CDKL4: variants seen among roughly 807,000 people sequenced by gnomAD.
CDKL4 encodes cyclin dependent kinase like 4.
In CDKL4, 44 loss-of-function variants were observed where a neutral mutation model predicts 42.0. The observed-to-expected ratio is 1.05, with a 90% CI of 0.82 to 1.35. The LOEUF (loss-of-function observed/expected upper bound fraction) is 1.35. CDKL4 is among the 40% of genes most tolerant of loss of function. The pLI is 0.00. For missense variants in CDKL4, 393 were observed against 369.9 expected (o/e 1.06, Z -0.51); for synonymous variants, 120 against 121.6 (o/e 0.99, Z 0.09).
At chr2:39,186,818 C>A (rs979360674) in intron 7 of CDKL4, among the ~76,000 whole-genome samples, 1 of 151,078 alleles carries the variant, frequency 6.6e-6, no homozygotes, top group African/African-American at 2.4e-5. Context: ...AGGGAAAATT[C>A]TCCTAAGGCT....
At chr2:39,224,357 C>G (rs1678560757) in intron 3 of CDKL4, among the ~76,000 whole-genome samples, 1 of 151,970 alleles carries the variant, frequency 6.6e-6, no homozygotes, top group Non-Finnish European at 1.5e-5. Flanking sequence ...TGAATATTTC[C>G]ATTTAGAAAC....
chr2:39,187,009 C>G (rs1306820522), intron 7 of CDKL4, among the ~76,000 whole-genome samples: 1 of 151,950 alleles, frequency 6.6e-6, no homozygotes, highest in Admixed American at 6.6e-5. Context: ...CTCTGTGTCC[C>G]CACCCAAATC....
chr2:39,210,529 T>C (rs1028894394), intron 4 of CDKL4, among the ~76,000 whole-genome samples: 1 of 152,168 alleles, frequency 6.6e-6, no homozygotes, highest in Non-Finnish European at 1.5e-5. Context: ...TCAATAAATA[T>C]TTATTGATCA....
chr2:39,227,523 T>C (rs1390343750), intron 2 of CDKL4, among the ~76,000 whole-genome samples: 1 of 151,520 alleles, frequency 6.6e-6, no homozygotes, highest in Non-Finnish European at 1.5e-5. Context: ...AACCTAGGAG[T>C]TCGAGATCAG....
chr2:39,242,173 G>A (rs576227321), intron 1 of CDKL4, among the ~76,000 whole-genome samples: 2 of 152,054 alleles, frequency 1.3e-5, no homozygotes, highest in East Asian at 3.9e-4. Flanking sequence ...AGCCTCTTGA[G>A]TAGCTGAGAC....
chr2:39,197,938 C>A (rs533239806), intron 5 of CDKL4, among the ~76,000 whole-genome samples: 3 of 150,676 alleles, frequency 2.0e-5, no homozygotes, highest in East Asian at 1.9e-4. Flanking sequence ...ATGAAAAAAA[C>A]CCAGGGTATT....
Position 39,204,519 on chromosome 2 carries a change from C to T in CDKL4, c.454+8G>A. On this transcript the variant is annotated splice_region_variant and intron_variant, in intron 5 of 9. Coordinates refer to ENST00000451199, the Ensembl canonical transcript of CDKL4. ...AACTGGGTATTAGTAAAAAAAATTG[C>T]TACTTACTCAGAATTTGTGCAAACC... 1 of 1,558,170 alleles carries T rather than the reference C, an allele frequency of 6.4e-7. No homozygotes were observed. Among genetic ancestry groups the T allele is most frequent in the Non-Finnish European group, 8.8e-7 (1 of 1,131,682 alleles).
intron 5 of CDKL4, among the ~76,000 whole-genome samples, chr2:39,200,467 T>C (rs948466038): frequency 6.6e-5 from 10 of 151,982 alleles, no homozygotes; most frequent in Non-Finnish European, 1.2e-4. Context: ...CCATCATTCT[T>C]CACAGAACTT....
downstream of CDKL4, among the ~76,000 whole-genome samples, chr2:39,174,232 G>A (rs923481159): frequency 9.2e-5 from 14 of 151,724 alleles, no homozygotes; most frequent in African/African-American, 3.4e-4. Flanking sequence ...TAACGAGACC[G>A]TATCTCTACA....
chr2:39,236,408 C>A (rs1313552466), intron 1 of CDKL4, among the ~76,000 whole-genome samples: 2 of 152,036 alleles, frequency 1.3e-5, no homozygotes, highest in African/African-American at 4.8e-5. Context: ...AAACAATGGC[C>A]AAAACCTTCC....
chr2:39,236,353 G>A (rs748631779), intron 1 of CDKL4, among the ~76,000 whole-genome samples: 5 of 152,114 alleles, frequency 3.3e-5, no homozygotes, highest in East Asian at 1.9e-4. Flanking sequence ...GAGATTCCCA[G>A]AAAGAGAGGA....
intron 3 of CDKL4, among the ~76,000 whole-genome samples, chr2:39,216,960 C>T (rs1378987016): frequency 8.5e-5 from 13 of 152,140 alleles, no homozygotes; most frequent in Admixed American, 8.5e-4. Flanking sequence ...AAGGCAGATT[C>T]CGTCAGGGGC....
intron 5 of CDKL4, among the ~76,000 whole-genome samples, chr2:39,194,602 T>C (rs535918291): frequency 2.6e-5 from 4 of 152,334 alleles, no homozygotes; most frequent in African/African-American, 9.6e-5. Context: ...GCCTTTTCTT[T>C]CATCTGTGAA....
In CDKL4 at chr2:39,187,728, A is replaced by T. The variant is rs369853196; in HGVS notation, c.653-19T>A. On this transcript the variant is annotated intron_variant, in intron 6 of 9. Coordinates refer to ENST00000451199, the Ensembl canonical transcript of CDKL4. ...AATTTTCCTGTAAAATACAAACCAC[A>T]TAATTCATCATAAATTTGGCAAAGA... The T allele has an allele frequency of 1.3e-6, 2 of 1,533,002 alleles. No individual in the cohort carries two copies. The highest frequency in any genetic ancestry group is 1.8e-6 in the Non-Finnish European group (2 of 1,109,282). The allele number at this position is 1,533,002 out of a possible 1,614,324, so 95.0% of individuals were successfully genotyped here. A position where few individuals can be genotyped will look rare whatever the true frequency, so the allele number is the denominator to read the frequency against.
At position 39,229,277 on chromosome 2, in the gene CDKL4, G is replaced by C. The variant is rs573634459; in HGVS notation, c.168+88C>G. The C allele has an allele frequency of 4.3e-4, 417 of 971,586 alleles. 3 individuals carry two copies. The highest frequency in any genetic ancestry group is 3.4e-3 in the South Asian group (191 of 55,850). The allele number at this position is 971,586 out of a possible 1,614,324, so 60.2% of individuals were successfully genotyped here. Reference sequence around the variant, plus strand: ...ACAAAGGAATTTAAGTCCAATGGGGGGAAAATAACTTTAAAATTCTTTGCA... The same window carrying C: ...ACAAAGGAATTTAAGTCCAATGGGGCGAAAATAACTTTAAAATTCTTTGCA... On this transcript the variant is annotated intron_variant, in intron 2 of 9. Transcript: ENST00000451199.
intron 2 of CDKL4, among the ~76,000 whole-genome samples, chr2:39,228,397 T>C (rs1338508746): frequency 5.3e-5 from 8 of 152,178 alleles, no homozygotes; most frequent in Non-Finnish European, 1.2e-4. Flanking sequence ...AGGAAACCTG[T>C]GGGAAATAAT....
chr2:39,246,563 G>A (rs942315615), upstream of CDKL4, among the ~76,000 whole-genome samples: 3 of 152,160 alleles, frequency 2.0e-5, no homozygotes, highest in African/African-American at 2.4e-5. Flanking sequence ...TCAGGCACCC[G>A]AAACTCTGGT....
chr2:39,193,382 T>A (rs1297248572), intron 5 of CDKL4, among the ~76,000 whole-genome samples: 1 of 150,642 alleles, frequency 6.6e-6, no homozygotes, highest in Non-Finnish European at 1.5e-5. Flanking sequence ...ATTATTATTA[T>A]TATTGTTTTT....
intron 7 of CDKL4, among the ~76,000 whole-genome samples, chr2:39,186,529 C>T (rs1675838420): frequency 6.6e-6 from 1 of 152,086 alleles, no homozygotes; most frequent in South Asian, 2.1e-4. Flanking sequence ...AAGTCAATGT[C>T]TACAGAGAGC....
Sources: allele counts gnomAD v4.1 joint callset (sites outside exome capture counted in the v4.1 genomes callset), GRCh38; gene constraint gnomAD v4.1.1; transcripts MANE v1.5; gene names NCBI Gene and HGNC (gene_info 2026-07-23, HGNC 2026-07-21).